The following SOHLH2 variants were observed in gnomAD, a reference collection of about 807,000 sequenced individuals.
The protein encoded by SOHLH2 is spermatogenesis- and oogenesis-specific basic helix-loop-helix-containing protein 2.
SOHLH2 carries 22 observed loss-of-function variants against 50.4 expected under a neutral mutation model. The ratio of observed to expected loss-of-function variants is 0.44; its 90% CI spans 0.31 to 0.62. The LOEUF is 0.62. Among genes scored for constraint, SOHLH2 ranks in the 20% least tolerant of loss-of-function variants. The pLI is 0.08. For missense variants in SOHLH2, 412 were observed against 504.4 expected (o/e 0.82, Z 1.76); for synonymous variants, 185 against 187.3 (o/e 0.99, Z 0.10).
At chr13:36,197,110 T>C (rs1887756727) in intron 2 of SOHLH2, among the ~76,000 whole-genome samples, 1 of 152,230 alleles carries the variant, frequency 6.6e-6, no homozygotes, top group Non-Finnish European at 1.5e-5. Context: ...CTTCCTCTTC[T>C]ATATACCAAA....
chr13:36,196,607 T>A (rs1014041034), intron 2 of SOHLH2, among the ~76,000 whole-genome samples: 1 of 152,308 alleles, frequency 6.6e-6, no homozygotes, highest in Admixed American at 6.5e-5. Flanking sequence ...AAGTAAATTA[T>A]CCTAAGTTAA....
chr13:36,188,114 G>A (rs1887473483), intron 6 of SOHLH2, among the ~76,000 whole-genome samples: 1 of 152,162 alleles, frequency 6.6e-6, no homozygotes, highest in South Asian at 2.1e-4. Context: ...TCCAACCCAT[G>A]CTGGCAAAAG....
chr13:36,186,770 T>C (rs1246287534), intron 6 of SOHLH2, among the ~76,000 whole-genome samples: 3 of 152,208 alleles, frequency 2.0e-5, no homozygotes, highest in Non-Finnish European at 4.4e-5. Context: ...TTGATTAATA[T>C]GTTCTAATAA....
intron 6 of SOHLH2, 51 bp downstream of exon 6, chr13:36,189,895 A>G (rs1423762175): frequency 6.7e-7 from 1 of 1,491,976 alleles, no homozygotes; most frequent in African/African-American, 1.4e-5. Flanking sequence ...AAATTCATTA[A>G]TTTCTCCCTA....
chr13:36,178,156 G>C (rs1032037846), intron 6 of SOHLH2, among the ~76,000 whole-genome samples: 11 of 151,990 alleles, frequency 7.2e-5, no homozygotes, highest in Admixed American at 2.0e-4. Flanking sequence ...ATAACCACAT[G>C]TTGCTAGTGG....
chr13:36,186,093 C>T lies in SOHLH2; in HGVS notation c.641+3853G>A, dbSNP rs557703643. ...TAACAAAATATTAGCAAATATAATC[C>T]AGCAATAAACAAAAATTATCTACAC... On this transcript the variant is annotated intron_variant, in intron 6 of 10. Coordinates refer to ENST00000379881, the MANE Select transcript of SOHLH2 (RefSeq NM_017826.3). 3.3e-5 allele frequency among the ~76,000 whole-genome samples: 5 copies of T among 151,412 alleles called. No individual in the cohort carries two copies. The East Asian group carries it at 7.8e-4, about 24-fold the overall frequency.
At chr13:36,172,657 A>T (rs1356281545) in intron 9 of SOHLH2, among the ~76,000 whole-genome samples, 2 of 152,248 alleles carry the variant, frequency 1.3e-5, no homozygotes, top group Non-Finnish European at 2.9e-5. Flanking sequence ...CATAAGAACA[A>T]GAACTGCCTT....
intron 6 of SOHLH2, chr13:36,182,345 A>C: frequency 1.0e-6 from 1 of 961,980 alleles, no homozygotes; most frequent in Non-Finnish European, 1.2e-6. Flanking sequence ...TTATTTCTCC[A>C]ACAAAGAGTC....
intron 10 of SOHLH2, among the ~76,000 whole-genome samples, chr13:36,169,487 G>T (rs748214478): frequency 1.3e-5 from 2 of 152,154 alleles, no homozygotes; most frequent in Non-Finnish European, 2.9e-5. Flanking sequence ...TATGAAGATT[G>T]TAACAGTATC....
intron 1 of SOHLH2, among the ~76,000 whole-genome samples, chr13:36,212,999 A>C (rs932637455): frequency 6.6e-6 from 1 of 152,242 alleles, no homozygotes; most frequent in African/African-American, 2.4e-5. Context: ...GTGAGTTGTT[A>C]TTTATGTCAC....
chr13:36,204,226 C>T (rs1218028909), intron 1 of SOHLH2, among the ~76,000 whole-genome samples: 5 of 152,066 alleles, frequency 3.3e-5, no homozygotes, highest in East Asian at 3.9e-4. Flanking sequence ...GCTGGGATTA[C>T]GGGTGTGAGC....
intron 6 of SOHLH2, among the ~76,000 whole-genome samples, chr13:36,184,424 T>TTA (rs1298888690): frequency 1.3e-5 from 2 of 151,050 alleles, no homozygotes; most frequent in African/African-American, 4.9e-5. Flanking sequence ...GAAGAAAAGG[T>TTA]TAAAATCAAT....
chr13:36,198,229 C>T (rs1387670356), intron 2 of SOHLH2, among the ~76,000 whole-genome samples: 1 of 152,168 alleles, frequency 6.6e-6, no homozygotes, highest in Non-Finnish European at 1.5e-5. Flanking sequence ...ATGAGAATCA[C>T]AGAATTTTAA....
At chr13:36,195,678 AG>A (rs1887703601) in intron 2 of SOHLH2, among the ~76,000 whole-genome samples, 1 of 152,190 alleles carries the variant, frequency 6.6e-6, no homozygotes, top group South Asian at 2.1e-4. Context: ...GCTGATGGTA[AG>A]GAAAGCGGGC....
chr13:36,187,820 C>A (rs1887462945), intron 6 of SOHLH2, among the ~76,000 whole-genome samples: 1 of 152,216 alleles, frequency 6.6e-6, no homozygotes, highest in Non-Finnish European at 1.5e-5. Context: ...ATCACCAACA[C>A]CTCCTCATCA....
At chr13:36,192,624 A>AT (rs544202481) in intron 4 of SOHLH2, among the ~76,000 whole-genome samples, 1,567 of 152,288 alleles carry the variant, frequency 0.01, 17 homozygotes, top group Non-Finnish European at 0.017. Context: ...AATCATCTTA[A>AT]TTTTGCCAGC....
intron 6 of SOHLH2, among the ~76,000 whole-genome samples, chr13:36,181,091 T>C (rs1054127151): frequency 1.3e-5 from 2 of 152,238 alleles, no homozygotes; most frequent in South Asian, 2.1e-4. Flanking sequence ...TTCTGAAAAG[T>C]TGACGCTTGT....
chr13:36,175,812 C>CG (rs1052788543), intron 6 of SOHLH2, among the ~76,000 whole-genome samples: 3 of 151,982 alleles, frequency 2.0e-5, no homozygotes, highest in Non-Finnish European at 2.9e-5. Flanking sequence ...GGGGGCTCTG[C>CG]GGGGGTGTCT....
At chr13:36,170,368 G>C (rs1369377119) in intron 10 of SOHLH2, among the ~76,000 whole-genome samples, 163 bp downstream of exon 10, 4 of 152,124 alleles carry the variant, frequency 2.6e-5, no homozygotes, top group Non-Finnish European at 5.9e-5. Flanking sequence ...CGAGAGCATG[G>C]GTTGACTGCA....
Sources: allele counts gnomAD v4.1 joint callset (sites outside exome capture counted in the v4.1 genomes callset), GRCh38; gene constraint gnomAD v4.1.1; transcripts MANE v1.5; gene names NCBI Gene and HGNC (gene_info 2026-07-23, HGNC 2026-07-21).